The following USP14 variants were observed in gnomAD, a reference collection of about 807,000 sequenced individuals.
USP14 encodes ubiquitin carboxyl-terminal hydrolase 14.
In USP14, 38 loss-of-function variants were observed where a neutral mutation model predicts 76.5. That is an observed-to-expected ratio of 0.50 (90% confidence interval 0.38 to 0.65). The LOEUF (loss-of-function observed/expected upper bound fraction) is 0.65. Among genes scored for constraint, USP14 ranks in the 30% least tolerant of loss-of-function variants. The pLI is 0.00. For synonymous variants in USP14, 192 were observed against 191.7 expected, an observed-to-expected ratio of 1.00 and a Z score of -0.01; for missense variants, 467 against 586.5, an observed-to-expected ratio of 0.80 and a Z score of 2.10.
chr18:183,843 A>G, intron 5 of USP14, among the ~76,000 whole-genome samples: 1 of 150,716 alleles, frequency 6.6e-6, no homozygotes, highest in East Asian at 1.9e-4. Flanking sequence ...TTGTGTGCTC[A>G]TATCATGCAA....
chr18:173,619 C>T (rs1018796721), intron 3 of USP14, among the ~76,000 whole-genome samples: 23 of 151,790 alleles, frequency 1.5e-4, no homozygotes, highest in Non-Finnish European at 8.8e-5. Flanking sequence ...TCAGACTGGT[C>T]TCCATGTTGG....
In USP14 at chr18:204,563, G is replaced by A; in HGVS notation, c.1036-1G>A. 1 of 1,589,974 alleles carries A rather than the reference G, an allele frequency of 6.3e-7. No individual in the cohort carries two copies. ...CATGTTTTTTGTTTGTTTGTATATA[G>A]GATGTTAAATTTCCTCTTATGTTGG... On this transcript the variant is annotated splice_acceptor_variant, in intron 12 of 15. Coordinates refer to ENST00000261601, the MANE Select transcript of USP14 (RefSeq NM_005151.4). LOFTEE classifies it high-confidence loss of function.
chr18:171,041 T>A (rs1163094081), intron 3 of USP14, among the ~76,000 whole-genome samples: 3 of 136,716 alleles, frequency 2.2e-5, no homozygotes, highest in East Asian at 2.3e-4. Context: ...TATATATATA[T>A]ATATATATAT....
intron 9 of USP14, among the ~76,000 whole-genome samples, chr18:198,823 C>G (rs1910312518): frequency 6.6e-6 from 1 of 151,970 alleles, no homozygotes; most frequent in Admixed American, 6.5e-5. Context: ...ATCAACTATA[C>G]ATGAGATTGA....
chr18:171,025 A>AAAAAAATATATATAT (rs1327304974), intron 3 of USP14, among the ~76,000 whole-genome samples: 2 of 47,648 alleles, frequency 4.2e-5, no homozygotes, highest in East Asian at 9.2e-4. Context: ...AAAAAAAAAA[A>AAAAAAATATATATAT]ATATATATAT....
At position 212,563 on chromosome 18, in the gene USP14, C is replaced by T. The variant is rs2143112814; in HGVS notation, c.*1279C>T. ...AAGTTGCAGTGAGCTGAGATCACACCACTGCACTCCAGCCTGGGTGACAGA... is the reference window on the plus strand; with the variant it reads ...AAGTTGCAGTGAGCTGAGATCACACTACTGCACTCCAGCCTGGGTGACAGA... On this transcript the variant is annotated 3_prime_UTR_variant, in exon 16 of 16. Coordinates refer to ENST00000261601, the MANE Select transcript of USP14 (RefSeq NM_005151.4). The T allele has an allele frequency of 6.6e-6, 1 of 151,388 alleles. No homozygotes were observed. Among genetic ancestry groups the T allele is most frequent in the African/African-American group, 2.4e-5 (1 of 40,926 alleles). 9.4% of individuals were successfully genotyped at this position (151,388 alleles called of 1,614,324 possible).
chr18:205,727 G>C (rs1013655637), intron 13 of USP14, among the ~76,000 whole-genome samples: 4 of 152,170 alleles, frequency 2.6e-5, no homozygotes, highest in Non-Finnish European at 4.4e-5. Flanking sequence ...GCTGTAATGA[G>C]CCATGATTGT....
intron 1 of USP14, 84 bp downstream of exon 1, chr18:158,798 C>T (rs1240597067): frequency 3.8e-6 from 5 of 1,303,888 alleles, no homozygotes; most frequent in East Asian, 3.2e-5. Context: ...GGCGGGCACC[C>T]GGCATGGACT....
intron 3 of USP14, among the ~76,000 whole-genome samples, chr18:172,410 A>G (rs541733): frequency 0.19 from 28,672 of 152,000 alleles, 2,877 homozygotes; most frequent in Non-Finnish European, 0.23. Flanking sequence ...TGAAATGACA[A>G]TAAAGGATTT....
Position 180,235 on chromosome 18 carries a change from G to C in USP14, c.301-1G>C. On this transcript the variant is annotated splice_acceptor_variant, in intron 4 of 15. Transcript: ENST00000261601. LOFTEE classifies it high-confidence loss of function. ...CCTTTTTTTTTTTTTTTTCCAACTAGATGGAGTTACCATGTGGATTGACAA... is the reference window on the plus strand; with the variant it reads ...CCTTTTTTTTTTTTTTTTCCAACTACATGGAGTTACCATGTGGATTGACAA... 7.5e-7 allele frequency: 1 copy of C among 1,334,474 alleles called. No individual in the cohort carries two copies. Among genetic ancestry groups the C allele is most frequent in the Non-Finnish European group, 1.0e-6 (1 of 990,478 alleles). The allele number at this position is 1,334,474 out of a possible 1,614,324, so 82.7% of individuals were successfully genotyped here.
In USP14 at chr18:163,055, C is replaced by T. The variant is rs563535149; in HGVS notation, c.17-253C>T. 13 of 284,702 alleles carry T rather than the reference C, an allele frequency of 4.6e-5. 1 individual carries two copies. In the South Asian group the frequency reaches 7.0e-4, roughly 15 times the overall value. The allele number at this position is 284,702 out of a possible 1,614,324, so 17.6% of individuals were successfully genotyped here. ...CCTCCCAAAGTACTGGGATTACAGG[C>T]GTGAGCCACCACGCCCAGCCTGCTG... On this transcript the variant is annotated intron_variant, in intron 1 of 15. Transcript: ENST00000261601.
chr18:164,576 C>T lies in USP14; in HGVS notation c.162+1123C>T, dbSNP rs933807454. Among the ~76,000 whole-genome samples, 7 of 152,166 alleles carry T rather than the reference C, an allele frequency of 4.6e-5. No homozygotes were observed. In the East Asian group the frequency reaches 5.8e-4, roughly 13 times the overall value. The stretch of plus-strand genomic sequence containing the variant: ...TCAAGCGATTCTTATGCCTCAGCCT[C>T]CTGAGTAGCTGGGATTACAGGTGTC... On this transcript the variant is annotated intron_variant, in intron 2 of 15. Transcript: ENST00000261601.
intron 3 of USP14, among the ~76,000 whole-genome samples, 191 bp from the exon 4 acceptor site, chr18:178,742 T>G (rs1376293240): frequency 6.6e-6 from 1 of 152,168 alleles, no homozygotes; most frequent in East Asian, 1.9e-4. Context: ...GAAAGAAACT[T>G]GTACCATTTA....
chr18:184,430 A>G (rs1909872167), intron 5 of USP14, among the ~76,000 whole-genome samples: 1 of 152,212 alleles, frequency 6.6e-6, no homozygotes. Context: ...AATACTTAGC[A>G]GAACTTGTCT....
chr18:158,769 C>T, intron 1 of USP14, 55 bp downstream of exon 1: 1 of 1,421,294 alleles, frequency 7.0e-7, no homozygotes, highest in Non-Finnish European at 9.1e-7. Flanking sequence ...TAGGCCTCCG[C>T]GTAGGCCTGG....
chr18:206,700 G>C lies in USP14; in HGVS notation c.1164+2008G>C, dbSNP rs75525833. Among the ~76,000 whole-genome samples, 4,278 of 152,210 alleles carry C rather than the reference G, an allele frequency of 0.028. 358 individuals are homozygous for C. The East Asian group carries it at 0.32, about 11-fold the overall frequency. On this transcript the variant is annotated intron_variant, in intron 13 of 15. Coordinates refer to ENST00000261601, the MANE Select transcript of USP14 (RefSeq NM_005151.4). ...AGATCACTTGAGGTCAGGGGTTCGA[G>C]ACCAGCCTGGCAAACATGGTGAAAC...
chr18:162,210 A>G (rs1397567156), intron 1 of USP14, among the ~76,000 whole-genome samples: 2 of 152,162 alleles, frequency 1.3e-5, no homozygotes, highest in African/African-American at 4.8e-5. Flanking sequence ...ACATGGGTGT[A>G]CAAATATCTG....
chr18:178,858 C>A, intron 3 of USP14, 75 bp from the exon 4 acceptor site: 2 of 1,093,290 alleles, frequency 1.8e-6, no homozygotes, highest in Non-Finnish European at 2.7e-6. Context: ...TTCTTTTGTT[C>A]CTGGCTTCTT....
At chr18:160,923 A>G (rs1027625470) in intron 1 of USP14, among the ~76,000 whole-genome samples, 8 of 151,800 alleles carry the variant, frequency 5.3e-5, no homozygotes, top group African/African-American at 1.7e-4. Flanking sequence ...TACGTATTTT[A>G]TTTTATTTTT....
Sources: gnomAD v4.1 joint callset for allele counts (sites outside exome capture counted in the v4.1 genomes callset) on GRCh38, gnomAD v4.1.1 for gene constraint, MANE v1.5 for transcripts, NCBI Gene and HGNC (gene_info 2026-07-23, HGNC 2026-07-21) for gene names.